CCDC146: variants seen among roughly 807,000 people sequenced by gnomAD.
CCDC146 encodes the protein coiled-coil domain containing 146.
Under a neutral mutation model 119.3 loss-of-function variants are expected in CCDC146, and 92 were observed. The observed-to-expected ratio is 0.77, with a 90% CI of 0.65 to 0.92. The LOEUF (loss-of-function observed/expected upper bound fraction) is 0.92. Ranked by LOEUF, CCDC146 falls within the 40% of genes least tolerant of loss-of-function variation. The probability of loss-of-function intolerance (pLI) is 0.00; values close to 1 mark genes in which losing one functional copy is unlikely to be tolerated. For missense variants in CCDC146, 1,000 were observed against 1,103.0 expected (o/e 0.91, Z 1.32); for synonymous variants, 372 against 371.8 (o/e 1.00, Z -0.01).
intron 3 of CCDC146, among the ~76,000 whole-genome samples, chr7:77,240,086 G>T (rs1412415448): frequency 6.6e-6 from 1 of 152,216 alleles, no homozygotes; most frequent in East Asian, 1.9e-4. Flanking sequence ...ACTAAGTGGG[G>T]AGAGATTTTC....
In CCDC146 at chr7:77,256,392, A is replaced by G; in HGVS notation, c.567A>G (p.Ile189Met). 6.2e-7 allele frequency: 1 copy of G among 1,604,030 alleles called. No homozygotes were observed. Among genetic ancestry groups the G allele is most frequent in the Non-Finnish European group, 8.5e-7 (1 of 1,175,792 alleles). ...RESTEELRKE[I>M]MQKKLEIKNL... is the part of the protein sequence containing the mutation. Reference sequence around the variant, plus strand: ...GCACTGAAGAATTACGTAAAGAAATAATGCAGAAGAAATTAGAAATTAAAA... The same window carrying G: ...GCACTGAAGAATTACGTAAAGAAATGATGCAGAAGAAATTAGAAATTAAAA... The change falls in exon 6 of 19, where the codon ATA (isoleucine) becomes ATG (methionine). Residue 189 changes from isoleucine to methionine, a missense_variant. This residue lies in a region of CCDC146 where 985 missense variants were observed against 1,045.3 expected (regional missense o/e 0.94). Transcript: ENST00000285871.
chr7:77,280,729 C>A, intron 14 of CCDC146, 76 bp downstream of exon 14: 1 of 977,056 alleles, frequency 1.0e-6, no homozygotes, highest in South Asian at 1.6e-5. Flanking sequence ...CTAGACTTGA[C>A]AGTGAATAGT....
intron 2 of CCDC146, among the ~76,000 whole-genome samples, chr7:77,193,147 G>A (rs1395407670): frequency 6.6e-6 from 1 of 152,080 alleles, no homozygotes; most frequent in Admixed American, 6.6e-5. Flanking sequence ...CACTAATAAC[G>A]GAAAAAGAGG....
chr7:77,154,063 G>C (rs1791145622), intron 1 of CCDC146, among the ~76,000 whole-genome samples: 1 of 151,596 alleles, frequency 6.6e-6, no homozygotes, highest in African/African-American at 2.4e-5. Flanking sequence ...GGTGACATGT[G>C]ATATAATTCC....
chr7:77,294,511 G>C lies in CCDC146; in HGVS notation c.2665-152G>C, dbSNP rs1015280915. On this transcript the variant is annotated intron_variant, in intron 18 of 18. Coordinates refer to ENST00000285871, the MANE Select transcript of CCDC146 (RefSeq NM_020879.3). ...GTGTGTGTGTGTGTGTGTGTGGTGT[G>C]ATTCTACCCTCCTACCCCTCCCATC... 21 of 582,678 alleles carry C rather than the reference G, an allele frequency of 3.6e-5. No individual in the cohort carries two copies. In the African/African-American group the frequency reaches 3.7e-4, roughly 10 times the overall value. 36.1% of individuals were successfully genotyped at this position (582,678 alleles called of 1,614,324 possible).
At chr7:77,240,847 G>A (rs1343168968) in intron 3 of CCDC146, among the ~76,000 whole-genome samples, 1 of 151,822 alleles carries the variant, frequency 6.6e-6, no homozygotes, top group East Asian at 1.9e-4. Context: ...TTCCACTAAT[G>A]CTCTTTTTTT....
chr7:77,135,443 A>G (rs2117404365), intron 1 of CCDC146, among the ~76,000 whole-genome samples: 1 of 152,040 alleles, frequency 6.6e-6, no homozygotes, highest in African/African-American at 2.4e-5. Context: ...ACAGAGTGAG[A>G]CACTGAAAAA....
chr7:77,186,757 T>A (rs1791674105), intron 2 of CCDC146, among the ~76,000 whole-genome samples: 1 of 152,088 alleles, frequency 6.6e-6, no homozygotes, highest in Non-Finnish European at 1.5e-5. Flanking sequence ...CCCAAAATCA[T>A]AGCAGACTCA....
At chr7:77,188,912 G>T (rs934235489) in intron 2 of CCDC146, among the ~76,000 whole-genome samples, 1 of 152,318 alleles carries the variant, frequency 6.6e-6, no homozygotes, top group East Asian at 1.9e-4. Flanking sequence ...TGGGTGGGAT[G>T]CAACTGTGCT....
intron 2 of CCDC146, among the ~76,000 whole-genome samples, chr7:77,231,193 C>G (rs1792620485): frequency 6.6e-6 from 1 of 152,140 alleles, no homozygotes; most frequent in Admixed American, 6.5e-5. Flanking sequence ...TCCACTGTTG[C>G]AGGATTGCTG....
At chr7:77,282,371 C>T (rs1162008945) in intron 14 of CCDC146, 186 bp from the exon 15 acceptor site, 2 of 562,646 alleles carry the variant, frequency 3.6e-6, no homozygotes, top group Non-Finnish European at 6.3e-6. Flanking sequence ...CAGTAACCCT[C>T]CTATCCCTAG....
Position 77,241,731 on chromosome 7 carries a change from C to T in CCDC146, c.280C>T (p.Arg94Cys), listed in dbSNP as rs114135314. 383 of 1,613,986 alleles carry T rather than the reference C, an allele frequency of 2.4e-4. No homozygotes were observed. In the African/African-American group the frequency reaches 4.0e-3, roughly 17 times the overall value. The change falls in exon 4 of 19, where the codon CGT becomes TGT. Residue 94 changes from arginine (R) to cysteine (C), a missense_variant. Physicochemically the swap from Arg to Cys is radical, Grantham distance 180 (BLOSUM62 -3). Around this residue, in one of 2 missense-constraint regions of CCDC146, gnomAD observed 985 missense variants for 1,045.3 expected, o/e 0.94. Transcript: ENST00000285871. Reference sequence around the variant, plus strand: ...GGTCCAACTGCTACAGAATGCCAAACGTTTCACTGAGCAAATACAACAGCA... The same window carrying T: ...GGTCCAACTGCTACAGAATGCCAAATGTTTCACTGAGCAAATACAACAGCA... The part of the protein sequence containing the change: ...SEVQLLQNAK[R>C]FTEQIQQQQF...
intron 15 of CCDC146, 38 bp from the exon 16 acceptor site, chr7:77,286,760 G>A (rs781189934): frequency 3.7e-6 from 6 of 1,606,100 alleles, no homozygotes; most frequent in African/African-American, 2.7e-5. Context: ...AACTGAGCTA[G>A]AGCGTTCATT....
At chr7:77,195,257 T>C (rs1221856320) in intron 2 of CCDC146, 1 of 144,734 alleles carries the variant, frequency 6.9e-6, no homozygotes, top group African/African-American at 2.6e-5. Flanking sequence ...AGGAAGATAA[T>C]TTTCATGTTA....
chr7:77,212,620 CAAAAAAAA>C (rs11449217), intron 2 of CCDC146, among the ~76,000 whole-genome samples: 1 of 80,982 alleles, frequency 1.2e-5, no homozygotes, highest in Non-Finnish European at 2.4e-5. Context: ...GACTCCGTCT[CAAAAAAAA>C]AAAAAAAAAA....
At position 77,256,522 on chromosome 7, in the gene CCDC146, C is replaced by A. The variant is rs1401187007; in HGVS notation, c.684+13C>A. The A allele has an allele frequency of 5.0e-6, 8 of 1,586,002 alleles. No homozygotes were observed. Among genetic ancestry groups the A allele is most frequent in the Non-Finnish European group, 6.8e-6 (8 of 1,169,868 alleles). On this transcript the variant is annotated intron_variant, in intron 6 of 18. Coordinates refer to ENST00000285871, the MANE Select transcript of CCDC146 (RefSeq NM_020879.3). ...GGTCGTCCTAAAGGTGTGCTACTTA[C>A]CGTTGATATTTAAACATTGTGCCTT...
intron 8 of CCDC146, among the ~76,000 whole-genome samples, chr7:77,260,804 T>C (rs1021565815): frequency 6.9e-6 from 1 of 144,030 alleles, no homozygotes; most frequent in African/African-American, 2.6e-5. Flanking sequence ...TTTTTTTTTT[T>C]CTTCTCATTA....
At position 77,199,966 on chromosome 7, in the gene CCDC146, A is replaced by G. The variant is rs541095983; in HGVS notation, c.156+32142A>G. The G allele has an allele frequency of 2.1e-5, 13 of 622,122 alleles. No individual in the cohort carries two copies. The African/African-American group carries it at 2.4e-4, about 11-fold the overall frequency. 38.5% of individuals were successfully genotyped at this position (622,122 alleles called of 1,614,324 possible). A position where few individuals can be genotyped will look rare whatever the true frequency, so the allele number is the denominator to read the frequency against. ...TAGCCCTCATCAAACGCAGTTTGCC[A>G]AAAACTGTAACTTACTCTCAATAGA... On this transcript the variant is annotated intron_variant, in intron 2 of 18. Coordinates refer to ENST00000285871, the MANE Select transcript of CCDC146 (RefSeq NM_020879.3).
At chr7:77,219,637 T>A (rs1792364732) in intron 2 of CCDC146, among the ~76,000 whole-genome samples, 2 of 152,350 alleles carry the variant, frequency 1.3e-5, no homozygotes, top group South Asian at 4.1e-4. Context: ...CACTTTATTA[T>A]CGGGGGAACC....
Sources: allele counts gnomAD v4.1 joint callset (sites outside exome capture counted in the v4.1 genomes callset), GRCh38; gene constraint gnomAD v4.1.1; regional missense constraint gnomAD v4.1.1; transcripts MANE v1.5; gene names NCBI Gene and HGNC (gene_info 2026-07-23, HGNC 2026-07-21).